ARFGEF3: variants seen among roughly 807,000 people sequenced by gnomAD.
The protein encoded by ARFGEF3 is ARFGEF family member 3.
Under a neutral mutation model 221.7 loss-of-function variants are expected in ARFGEF3, and 96 were observed. The ratio of observed to expected loss-of-function variants is 0.43; its 90% CI spans 0.37 to 0.51. ARFGEF3 has a LOEUF of 0.51. Ranked by LOEUF, ARFGEF3 falls within the 20% of genes least tolerant of loss-of-function variation. The pLI is 0.00. For missense variants in ARFGEF3, 2,410 were observed against 2,789.9 expected, an observed-to-expected ratio of 0.86 and a Z score of 3.07; for synonymous variants, 1,145 against 1,126.8, an observed-to-expected ratio of 1.02 and a Z score of -0.32.
intron 8 of ARFGEF3, among the ~76,000 whole-genome samples, chr6:138,251,477 C>T (rs181542435): frequency 3.9e-5 from 6 of 152,276 alleles, no homozygotes; most frequent in African/African-American, 1.2e-4. Flanking sequence ...CTGATTTGTC[C>T]TGTCCACTCT....
intron 12 of ARFGEF3, among the ~76,000 whole-genome samples, chr6:138,276,547 G>T (rs1246073814): frequency 9.4e-5 from 14 of 148,752 alleles, no homozygotes; most frequent in Admixed American, 9.4e-4. Flanking sequence ...TTATTTAATG[G>T]TTTTTTTTTT....
intron 14 of ARFGEF3, 94 bp downstream of exon 14, chr6:138,280,258 A>C: frequency 7.8e-7 from 1 of 1,285,018 alleles, no homozygotes; most frequent in Non-Finnish European, 1.1e-6. Flanking sequence ...TGCTTGGAGC[A>C]GACTTTGAAA....
chr6:138,321,983 A>G (rs1583066534), intron 29 of ARFGEF3, among the ~76,000 whole-genome samples: 1 of 152,208 alleles, frequency 6.6e-6, no homozygotes, highest in East Asian at 1.9e-4. Context: ...TGGCAGGCAA[A>G]GAGAGAGCTT....
At chr6:138,219,035 A>G (rs1276502238) in intron 4 of ARFGEF3, among the ~76,000 whole-genome samples, 1 of 152,206 alleles carries the variant, frequency 6.6e-6, no homozygotes, top group Non-Finnish European at 1.5e-5. Context: ...TTCAAAGGCA[A>G]GGGTTTATAA....
chr6:138,180,186 A>G (rs768985572), intron 2 of ARFGEF3, among the ~76,000 whole-genome samples: 21 of 152,208 alleles, frequency 1.4e-4, no homozygotes, highest in Non-Finnish European at 2.4e-4. Flanking sequence ...ATTTAACATG[A>G]TGAGGACAGC....
At chr6:138,293,963 A>G in intron 19 of ARFGEF3, 30 bp from the exon 20 acceptor site, 1 of 1,604,396 alleles carries the variant, frequency 6.2e-7, no homozygotes, top group Non-Finnish European at 8.5e-7. Context: ...ATTGTTTCCA[A>G]AGAACACATC....
intron 12 of ARFGEF3, among the ~76,000 whole-genome samples, chr6:138,267,066 C>T (rs1778910138): frequency 6.6e-6 from 1 of 152,006 alleles, no homozygotes; most frequent in African/African-American, 2.4e-5. Context: ...ATTGTTAGTC[C>T]CCAGAATAGC....
chr6:138,196,004 AAAAAAG>A (rs1341318377), intron 2 of ARFGEF3, among the ~76,000 whole-genome samples: 3 of 148,850 alleles, frequency 2.0e-5, no homozygotes, highest in African/African-American at 7.4e-5. Context: ...TAAAAAAAAA[AAAAAAG>A]AAAAGAAAAA....
intron 12 of ARFGEF3, 49 bp downstream of exon 12, chr6:138,263,660 G>A: frequency 6.7e-7 from 1 of 1,502,454 alleles, no homozygotes; most frequent in East Asian, 2.3e-5. Context: ...ATTCAGAGCA[G>A]TTTGCCTTAA....
At position 138,303,695 on chromosome 6, in the gene ARFGEF3, G is replaced by C. The variant is rs538741146; in HGVS notation, c.3829-3558G>C. 1.2e-3 allele frequency among the ~76,000 whole-genome samples: 188 copies of C among 151,618 alleles called. 1 individual carries two copies. Among genetic ancestry groups the C allele is most frequent in the Non-Finnish European group, 1.5e-3 (102 of 67,874 alleles). On this transcript the variant is annotated intron_variant, in intron 22 of 33. Coordinates refer to ENST00000251691, the MANE Select transcript of ARFGEF3 (RefSeq NM_020340.5). ...GCGCACGCTGTAGTCCCAGCTACTC[G>C]GGAAGCTGAGGTAGGAGAATCACTT...
intron 22 of ARFGEF3, among the ~76,000 whole-genome samples, chr6:138,305,612 CAAA>C (rs565498235): frequency 1.4e-4 from 9 of 63,054 alleles, no homozygotes; most frequent in Non-Finnish European, 1.4e-4. Context: ...GACCCTGTCT[CAAA>C]AAAAAAAAAA....
intron 12 of ARFGEF3, among the ~76,000 whole-genome samples, chr6:138,268,308 C>G (rs887873704): frequency 6.6e-6 from 1 of 152,008 alleles, no homozygotes; most frequent in Non-Finnish European, 1.5e-5. Context: ...AGTTATAAAC[C>G]CTTTCTTTGA....
At chr6:138,273,367 A>G (rs1476605890) in intron 12 of ARFGEF3, among the ~76,000 whole-genome samples, 1 of 152,242 alleles carries the variant, frequency 6.6e-6, no homozygotes, top group African/African-American at 2.4e-5. Flanking sequence ...TAAGCAGTCA[A>G]GTAGGTGATC....
intron 2 of ARFGEF3, among the ~76,000 whole-genome samples, chr6:138,184,365 T>G (rs945561220): frequency 3.9e-5 from 6 of 152,148 alleles, no homozygotes; most frequent in African/African-American, 9.7e-5. Flanking sequence ...GTTTGCAGAA[T>G]GTACAACAAA....
chr6:138,290,290 A>C (rs1779380141), intron 18 of ARFGEF3, among the ~76,000 whole-genome samples: 1 of 152,240 alleles, frequency 6.6e-6, no homozygotes, highest in African/African-American at 2.4e-5. Context: ...AATACTGTGC[A>C]AATCTAAAAC....
intron 22 of ARFGEF3, among the ~76,000 whole-genome samples, chr6:138,305,550 G>A (rs949206818): frequency 6.7e-6 from 1 of 150,090 alleles, no homozygotes; most frequent in Non-Finnish European, 1.5e-5. Flanking sequence ...AGTTGAGACT[G>A]CAGTGAGCCG....
chr6:138,249,047 C>T (rs1276238607), intron 8 of ARFGEF3, among the ~76,000 whole-genome samples: 3 of 152,156 alleles, frequency 2.0e-5, no homozygotes, highest in Non-Finnish European at 4.4e-5. Context: ...TCCAGGAATC[C>T]CTCTCATGTA....
chr6:138,308,568 C>A (rs112571124), intron 23 of ARFGEF3, among the ~76,000 whole-genome samples, 171 bp from the exon 24 acceptor site: 2 of 152,162 alleles, frequency 1.3e-5, no homozygotes, highest in Non-Finnish European at 2.9e-5. Flanking sequence ...GCCGGCAGAG[C>A]TGAGCACCAT....
At position 138,333,986 on chromosome 6, in the gene ARFGEF3, A is replaced by G. The variant is rs961721626; in HGVS notation, c.5140A>G (p.Ile1714Val). The change falls in exon 33 of 34, where the codon ATT (isoleucine) becomes GTT (valine). Residue 1714 changes from isoleucine (I) to valine (V), a missense_variant. Transcript: ENST00000251691. ...HTKKSVSFRE[I>V]VVSLLSHQVL... ...CACTTGAAGCGTGTCTTTCAGGGAA[A>G]TTGTGGTGAGCCTGCTGTCTCATCA... The G allele has an allele frequency of 6.2e-7, 1 of 1,606,870 alleles. No individual in the cohort carries two copies. Among genetic ancestry groups the G allele is most frequent in the African/African-American group, 1.3e-5 (1 of 74,686 alleles).
Sources: gnomAD v4.1 joint callset for allele counts (sites outside exome capture counted in the v4.1 genomes callset) on GRCh38, gnomAD v4.1.1 for gene constraint, MANE v1.5 for transcripts, NCBI Gene and HGNC (gene_info 2026-07-23, HGNC 2026-07-21) for gene names.